The following CYBB variants were observed in gnomAD, a reference collection of about 807,000 sequenced individuals.
The protein encoded by CYBB is NADPH oxidase 2.
In CYBB, 5 loss-of-function variants were observed where a neutral mutation model predicts 46.5. The ratio of observed to expected loss-of-function variants is 0.11; its 90% CI spans 0.06 to 0.23. The LOEUF is 0.23. CYBB is among the 10% of genes least tolerant of loss of function. The pLI, the probability that CYBB is intolerant of heterozygous loss-of-function variation, is 1.00. For missense variants in CYBB, 307 were observed against 428.3 expected, an observed-to-expected ratio of 0.72 and a Z score of 2.50; for synonymous variants, 183 against 156.7, an observed-to-expected ratio of 1.17 and a Z score of -1.26.
chrX:37,782,971 T>C (rs1928984353), intron 2 of CYBB, among the ~76,000 whole-genome samples: 1 of 111,821 alleles, frequency 8.9e-6, no homozygotes, highest in African/African-American at 3.2e-5. Context: ...CAAAGCATTA[T>C]ACCATACCAA....
intron 9 of CYBB, 104 bp downstream of exon 9, chrX:37,804,234 G>C (rs782167034): frequency 2.4e-6 from 2 of 842,985 alleles, no homozygotes; most frequent in African/African-American, 4.0e-5. Flanking sequence ...AAAACACACA[G>C]GTTCTAAGAA....
chrX:37,790,995 C>T (rs1423573421), intron 3 of CYBB, among the ~76,000 whole-genome samples: 1 of 111,354 alleles, frequency 9.0e-6, no homozygotes, highest in Non-Finnish European at 1.9e-5. Context: ...TGAGCATTGG[C>T]ACGAATTGAG....
At chrX:37,804,931 A>G (rs1281042628) in intron 9 of CYBB, 75 bp from the exon 10 acceptor site, 2 of 1,018,227 alleles carry the variant, frequency 2.0e-6, no homozygotes, top group Non-Finnish European at 2.8e-6. Flanking sequence ...GCACATCCCC[A>G]ATAATTATGG....
chrX:37,783,553 T>C lies in CYBB; in HGVS notation c.205T>C (p.Leu69=). The stretch of plus-strand genomic sequence containing the variant: ...GAATTTCAACTGCATGCTGATTCTC[T>C]TGCCAGTCTGTCGAAATCTGCTGTC... The part of the protein sequence containing the change: ...CLNFNCMLIL[L]PVCRNLLSFL... The change falls in exon 3 of 13, where the codon TTG becomes CTG. Residue 69 remains leucine, a synonymous_variant. Coordinates refer to ENST00000378588, the MANE Select transcript of CYBB (RefSeq NM_000397.4). The C allele has an allele frequency of 8.3e-7, 1 of 1,210,317 alleles. No homozygotes were observed. The highest frequency in any genetic ancestry group is 1.1e-6 in the Non-Finnish European group (1 of 894,003).
chrX:37,810,242 G>A (rs1406806269), intron 12 of CYBB, among the ~76,000 whole-genome samples: 3 of 111,850 alleles, frequency 2.7e-5, no homozygotes, highest in African/African-American at 9.7e-5. Context: ...ATTGCTTTTT[G>A]CACTGTAAGG....
In CYBB at chrX:37,812,494, G is replaced by A. The variant is rs901283176; in HGVS notation, c.*1577G>A. On this transcript the variant is annotated 3_prime_UTR_variant, in exon 13 of 13. Transcript: ENST00000378588. ...GAGAGGGGAAGGGGGTCTCATATTGGTCATTCCCTGCCCCAGATTTCTTAA... is the reference window on the plus strand; with the variant it reads ...GAGAGGGGAAGGGGGTCTCATATTGATCATTCCCTGCCCCAGATTTCTTAA... 12 of 111,277 alleles carry A rather than the reference G, an allele frequency of 1.1e-4. No individual in the cohort carries two copies. The highest frequency in any genetic ancestry group is 3.6e-4 in the African/African-American group (11 of 30,600). The allele number at this position is 111,277 out of a possible 1,213,427, so 9.2% of individuals were successfully genotyped here. A position where few individuals can be genotyped will look rare whatever the true frequency, so the allele number is the denominator to read the frequency against.
At position 37,793,681 on chromosome X, in the gene CYBB, A is replaced by C. The variant is rs2146810224; in HGVS notation, c.354A>C (p.Ala118=). The C allele has an allele frequency of 1.7e-6, 2 of 1,208,771 alleles. No individual in the cohort carries two copies. The highest frequency in any genetic ancestry group is 2.2e-6 in the Non-Finnish European group (2 of 893,741). Residue 118 remains alanine (A), a synonymous_variant, in exon 5 of 13, where the codon GCA becomes GCC. Coordinates refer to ENST00000378588, the MANE Select transcript of CYBB (RefSeq NM_000397.4). The part of the protein sequence containing the change: ...IALHSAIHTI[A]HLFNVEWCVN... The stretch of plus-strand genomic sequence containing the variant: ...CCTTTTCAGCGATTCACACCATTGC[A>C]CATCTATTTAATGTGGAATGGTGTG...
intron 7 of CYBB, among the ~76,000 whole-genome samples, chrX:37,799,636 T>C (rs1338250126): frequency 8.9e-6 from 1 of 111,919 alleles, no homozygotes; most frequent in African/African-American, 3.2e-5. Context: ...CATCATGTGG[T>C]GGGCAGAAGT....
chrX:37,805,860 C>A (rs1474836857), intron 10 of CYBB, among the ~76,000 whole-genome samples: 1 of 111,915 alleles, frequency 8.9e-6, no homozygotes, highest in Non-Finnish European at 1.9e-5. Flanking sequence ...CCTAAATAAA[C>A]CTCAGGCCAT....
intron 3 of CYBB, among the ~76,000 whole-genome samples, chrX:37,788,778 T>C (rs1002083768): frequency 1.8e-5 from 2 of 111,550 alleles, no homozygotes; most frequent in Non-Finnish European, 3.8e-5. Context: ...TCTCTGATTC[T>C]TTGGACTCCA....
chrX:37,810,281 A>G (rs1417122836), intron 12 of CYBB, among the ~76,000 whole-genome samples: 1 of 112,106 alleles, frequency 8.9e-6, no homozygotes, highest in Non-Finnish European at 1.9e-5. Flanking sequence ...GGATCTCTTT[A>G]AAATGCAGAT....
rs1004755528 is a variant in CYBB at position 37,810,995 on chromosome X, C to T, written c.*78C>T. On this transcript the variant is annotated 3_prime_UTR_variant, in exon 13 of 13. Transcript: ENST00000378588. ...TAATGCTAATTGATAATATAAATACCCCCTGCTTAAAAATGGACAAAAAGA... is the reference window on the plus strand; with the variant it reads ...TAATGCTAATTGATAATATAAATACTCCCTGCTTAAAAATGGACAAAAAGA... 24 of 950,655 alleles carry T rather than the reference C, an allele frequency of 2.5e-5. No individual in the cohort carries two copies. Among genetic ancestry groups the T allele is most frequent in the Non-Finnish European group, 3.4e-5 (23 of 675,954 alleles). The allele number at this position is 950,655 out of a possible 1,213,427, so 78.3% of individuals were successfully genotyped here. A position where few individuals can be genotyped will look rare whatever the true frequency, so the allele number is the denominator to read the frequency against.
chrX:37,810,604 A>T (rs1173105183), intron 12 of CYBB, among the ~76,000 whole-genome samples, 187 bp from the exon 13 acceptor site: 1 of 112,207 alleles, frequency 8.9e-6, no homozygotes, highest in Non-Finnish European at 1.9e-5. Flanking sequence ...AACTATCCAG[A>T]TGCTCACACA....
intron 3 of CYBB, among the ~76,000 whole-genome samples, chrX:37,788,128 A>G (rs1264556978): frequency 1.8e-5 from 2 of 112,268 alleles, no homozygotes; most frequent in Non-Finnish European, 3.8e-5. Context: ...ATCTACAGTT[A>G]AAGCTATCAG....
rs781988708 is a variant in CYBB at position 37,805,253 on chromosome X, T to C, written c.1314+85T>C. 58 of 990,204 alleles carry C rather than the reference T, an allele frequency of 5.9e-5. No homozygotes were observed. The South Asian group carries it at 1.0e-3, about 17-fold the overall frequency. 81.6% of individuals were successfully genotyped at this position (990,204 alleles called of 1,213,427 possible). ...CCTGAGAGTGCTTTCAGGGCTAAGG[T>C]TGGCAGAGACCATGGGAAGTGAAGA... On this transcript the variant is annotated intron_variant, in intron 10 of 12. Coordinates refer to ENST00000378588, the MANE Select transcript of CYBB (RefSeq NM_000397.4).
chrX:37,810,643 A>G, intron 12 of CYBB, 148 bp from the exon 13 acceptor site: 1 of 543,085 alleles, frequency 1.8e-6, no homozygotes, highest in Non-Finnish European at 3.1e-6. Flanking sequence ...CCCTCTGAGC[A>G]ATATGATCCC....
intron 2 of CYBB, among the ~76,000 whole-genome samples, chrX:37,782,629 C>T (rs1298551476): frequency 2.7e-5 from 3 of 111,759 alleles, no homozygotes; most frequent in African/African-American, 6.5e-5. Flanking sequence ...TCTCTCTCTA[C>T]ATATAAAGAC....
Position 37,795,937 on chromosome X carries a change from T to C in CYBB, c.484-14T>C. On this transcript the variant is annotated splice_polypyrimidine_tract_variant and intron_variant, in intron 5 of 12. Coordinates refer to ENST00000378588, the MANE Select transcript of CYBB (RefSeq NM_000397.4). ...GTGTGTGTGTGTGTGTGTGTGTGTG[T>C]TTATATTTTACAGAACCCTGAAGGA... The C allele has an allele frequency of 5.4e-6, 6 of 1,117,676 alleles. No homozygotes were observed. Among genetic ancestry groups the C allele is most frequent in the Non-Finnish European group, 7.3e-6 (6 of 818,509 alleles). 92.1% of individuals were successfully genotyped at this position (1,117,676 alleles called of 1,213,427 possible).
At chrX:37,794,733 A>C (rs1929266185) in intron 5 of CYBB, among the ~76,000 whole-genome samples, 1 of 111,421 alleles carries the variant, frequency 9.0e-6, no homozygotes, top group Admixed American at 9.5e-5. Context: ...GCAGTTGTTG[A>C]AGCTTCCTAC....
Sources: allele counts gnomAD v4.1 joint callset (sites outside exome capture counted in the v4.1 genomes callset), GRCh38; gene constraint gnomAD v4.1.1; transcripts MANE v1.5; gene names NCBI Gene and HGNC (gene_info 2026-07-23, HGNC 2026-07-21).